Variants in GRIA2 observed in about 807,000 individuals in gnomAD.
GRIA2 encodes the protein glutamate receptor 2.
GRIA2 carries 14 observed loss-of-function variants against 97.3 expected under a neutral mutation model. The ratio of observed to expected loss-of-function variants is 0.14; its 90% confidence interval spans 0.10 to 0.23. GRIA2 has a LOEUF of 0.23. GRIA2 is among the 10% of genes least tolerant of loss of function. GRIA2 has a pLI of 1.00. For synonymous variants in GRIA2, 412 were observed against 387.8 expected (o/e 1.06, Z -0.73); for missense variants, 558 against 1,069.8 (o/e 0.52, Z 6.67).
At chr4:157,332,527 G>GA (rs5863261) in intron 6 of GRIA2, among the ~76,000 whole-genome samples, 97,983 of 146,928 alleles carry the variant, frequency 0.67, 32,640 homozygotes, top group East Asian at 0.82. Context: ...AAGCAGGTTA[G>GA]AAAAAAAAAA....
At chr4:157,259,019 C>T (rs538341927) in intron 2 of GRIA2, among the ~76,000 whole-genome samples, 4 of 151,894 alleles carry the variant, frequency 2.6e-5, no homozygotes, top group African/African-American at 4.8e-5. Context: ...TCCAGGAGTT[C>T]GAGACCAGCC....
Position 157,361,248 on chromosome 4 carries a change from G to A in GRIA2, c.2406+124G>A, listed in dbSNP as rs773947454. ...GCTAAGCTGAAGAGTGCAATTGGAT[G>A]ACCAGGACACTTGACTTCTTCTTTC... On this transcript the variant is annotated intron_variant, in intron 14 of 15. Transcript: ENST00000264426. This position sits in a 1 kb window ranked among gnomAD's most constrained non-coding sequence, Gnocchi z 5.2. The A allele has an allele frequency of 3.8e-5, 27 of 710,054 alleles. No homozygotes were observed. Among genetic ancestry groups the A allele is most frequent in the Middle Eastern group, 7.7e-4 (2 of 2,606 alleles). 44.0% of individuals were successfully genotyped at this position (710,054 alleles called of 1,614,324 possible). A position where few individuals can be genotyped will look rare whatever the true frequency, so the allele number is the denominator to read the frequency against.
chr4:157,226,277 G>C (rs1224062626), intron 2 of GRIA2, among the ~76,000 whole-genome samples: 1 of 151,894 alleles, frequency 6.6e-6, no homozygotes, highest in Non-Finnish European at 1.5e-5. Flanking sequence ...TCATAAAACT[G>C]TTGCGCACAC....
intron 11 of GRIA2, among the ~76,000 whole-genome samples, chr4:157,337,605 G>A (rs561331763): frequency 2.0e-5 from 3 of 151,848 alleles, no homozygotes; most frequent in Admixed American, 1.3e-4. Context: ...ACCCTTCTTC[G>A]ATTTTACAGG....
chr4:157,346,417 A>G (rs1735768004), intron 12 of GRIA2, among the ~76,000 whole-genome samples: 1 of 152,098 alleles, frequency 6.6e-6, no homozygotes, highest in Non-Finnish European at 1.5e-5. Flanking sequence ...ATTGCTAATG[A>G]TTTATCTGCC....
intron 5 of GRIA2, 39 bp downstream of exon 5, chr4:157,317,750 T>C (rs1734390201): frequency 6.3e-6 from 5 of 794,144 alleles, no homozygotes; most frequent in Non-Finnish European, 1.1e-5. Flanking sequence ...TTACTAGATA[T>C]GCTTATTTAT....
At chr4:157,357,316 C>T (rs903199364) in intron 12 of GRIA2, among the ~76,000 whole-genome samples, 1 of 152,060 alleles carries the variant, frequency 6.6e-6, no homozygotes, top group African/African-American at 2.4e-5. Flanking sequence ...TATGAGTTAT[C>T]TTATTTGTCT....
intron 2 of GRIA2, among the ~76,000 whole-genome samples, chr4:157,251,684 A>T (rs1731028646): frequency 2.6e-5 from 4 of 152,166 alleles, no homozygotes. Flanking sequence ...AGCAGAGATG[A>T]ATGTTCTTCC....
chr4:157,303,796 G>T lies in GRIA2; in HGVS notation c.469+5G>T. The T allele has an allele frequency of 1.9e-6, 3 of 1,613,486 alleles. No homozygotes were observed. The highest frequency in any genetic ancestry group is 2.5e-6 in the Non-Finnish European group (3 of 1,179,434). ...ACCTCTATGACAGTGACAGAGGTAA[G>T]TGACAGTATCTCATCTCTTTGTAAT... On this transcript the variant is annotated splice_donor_5th_base_variant and intron_variant, in intron 3 of 15. Coordinates refer to ENST00000264426, the MANE Select transcript of GRIA2 (RefSeq NM_001083619.3).
At position 157,364,804 on chromosome 4, in the gene GRIA2, T is replaced by C. The variant is rs930915994; in HGVS notation, c.*1373T>C. On this transcript the variant is annotated 3_prime_UTR_variant, in exon 16 of 16. Coordinates refer to ENST00000264426, the MANE Select transcript of GRIA2 (RefSeq NM_001083619.3). Reference sequence around the variant, plus strand: ...TATAGTTTCATCCCATTGACATCAATTAAAAATAACCCTAATATATTATTT... The same window carrying C: ...TATAGTTTCATCCCATTGACATCAACTAAAAATAACCCTAATATATTATTT... 2.6e-5 allele frequency: 4 copies of C among 152,090 alleles called. No individual in the cohort carries two copies. The highest frequency in any genetic ancestry group is 1.3e-4 in the Admixed American group (2 of 15,172). The allele number at this position is 152,090 out of a possible 1,614,324, so 9.4% of individuals were successfully genotyped here.
At chr4:157,356,143 T>A (rs1560781701) in intron 12 of GRIA2, among the ~76,000 whole-genome samples, 1 of 131,400 alleles carries the variant, frequency 7.6e-6, no homozygotes, top group African/African-American at 2.9e-5. Context: ...ATTTATATAT[T>A]TATATTTATT....
chr4:157,247,180 T>A (rs1243384875), intron 2 of GRIA2, among the ~76,000 whole-genome samples: 6 of 152,188 alleles, frequency 3.9e-5, no homozygotes, highest in African/African-American at 1.4e-4. Context: ...TCCCTGTGCC[T>A]GGCCTTGTGC....
intron 6 of GRIA2, among the ~76,000 whole-genome samples, chr4:157,332,012 C>T (rs777651493): frequency 2.6e-5 from 4 of 151,982 alleles, no homozygotes; most frequent in Non-Finnish European, 5.9e-5. Context: ...ATTTTCTCAA[C>T]GTTCAGTAAA....
chr4:157,244,117 G>A (rs990630637), intron 2 of GRIA2, among the ~76,000 whole-genome samples: 2 of 151,976 alleles, frequency 1.3e-5, no homozygotes, highest in African/African-American at 4.8e-5. Flanking sequence ...CATATGAAGA[G>A]TTGGGGAAAG....
chr4:157,278,556 G>T (rs1206518545), intron 2 of GRIA2, among the ~76,000 whole-genome samples: 1 of 151,896 alleles, frequency 6.6e-6, no homozygotes, highest in African/African-American at 2.4e-5. Context: ...ATGGTTTTGG[G>T]CATGTTGATT....
rs1729501540 is a variant in GRIA2 at position 157,221,671 on chromosome 4, G to A, written c.93G>A (p.Gly31=). ...CTTGCTGTTTGTTCTTTGCAGGGGG[G>A]CTATTTCCTAGGGGCGCCGATCAAG... ...GVSSNSIQIG[G]LFPRGADQEY... is the part of the protein sequence containing the mutation. Residue 31 remains glycine, a synonymous_variant, in exon 2 of 16, where the codon GGG becomes GGA. Transcript: ENST00000264426. 1 of 1,614,060 alleles carries A rather than the reference G, an allele frequency of 6.2e-7. No individual in the cohort carries two copies. The highest frequency in any genetic ancestry group is 8.5e-7 in the Non-Finnish European group (1 of 1,179,950).
At chr4:157,313,315 T>C (rs1734165928) in intron 4 of GRIA2, among the ~76,000 whole-genome samples, 1 of 152,110 alleles carries the variant, frequency 6.6e-6, no homozygotes, top group African/African-American at 2.4e-5. Context: ...AAAGAGTATG[T>C]AGTTATCTTT....
intron 2 of GRIA2, among the ~76,000 whole-genome samples, chr4:157,297,639 C>T (rs1484297479): frequency 1.3e-5 from 2 of 152,086 alleles, no homozygotes; most frequent in Admixed American, 6.6e-5. Flanking sequence ...TCACTTTTAG[C>T]CCCTAGAGCT....
chr4:157,224,177 G>C (rs1018695418), intron 2 of GRIA2, among the ~76,000 whole-genome samples: 12 of 152,058 alleles, frequency 7.9e-5, no homozygotes, highest in African/African-American at 2.9e-4. Flanking sequence ...AGGAAGTGAA[G>C]CTAAAATAAA....
Sources: gnomAD v4.1 joint callset for allele counts (sites outside exome capture counted in the v4.1 genomes callset) on GRCh38, gnomAD v4.1.1 for gene constraint, Gnocchi (gnomAD v3.1) non-coding constraint, MANE v1.5 for transcripts, NCBI Gene and HGNC (gene_info 2026-07-23, HGNC 2026-07-21) for gene names.